Variants in PSTK observed in about 807,000 individuals in gnomAD.
The protein encoded by PSTK is L-seryl-tRNA(Sec) kinase.
In PSTK, 26 loss-of-function variants were observed where a neutral mutation model predicts 38.6. The observed-to-expected ratio is 0.67, with a 90% CI of 0.49 to 0.94. PSTK has a LOEUF of 0.94. Ranked by LOEUF, PSTK falls within the 40% of genes least tolerant of loss-of-function variation. The probability of loss-of-function intolerance (pLI) is 0.00; values close to 1 mark genes in which losing one functional copy is unlikely to be tolerated. For synonymous variants in PSTK, 181 were observed against 161.7 expected (o/e 1.12, Z -0.91); for missense variants, 445 against 436.3 (o/e 1.02, Z -0.18).
At chr10:122,986,104 C>A in intron 3 of PSTK, 196 bp from the exon 4 acceptor site, 1 of 322,472 alleles carries the variant, frequency 3.1e-6, no homozygotes, top group Non-Finnish European at 5.6e-6. Flanking sequence ...GCCTGTAGTC[C>A]CAGCTACTCG....
chr10:122,983,300 A>C lies in PSTK; in HGVS notation c.537A>C (p.Leu179Phe). 4.3e-6 allele frequency: 7 copies of C among 1,613,162 alleles called. No homozygotes were observed. The highest frequency in any genetic ancestry group is 5.9e-6 in the Non-Finnish European group (7 of 1,179,678). The stretch of plus-strand genomic sequence containing the variant: ...CGTTGGGCTTTTGCCAGCTCTTTTT[A>C]GATTGTCCTCTTGAGACCTGTTTAC... ...KYSLGFCQLF[L>F]DCPLETCLQR... Residue 179 changes from leucine to phenylalanine, a missense_variant, in exon 3 of 6, where the codon TTA (leucine) becomes TTC (phenylalanine). By Grantham distance (22) the Leu-to-Phe change is conservative. Transcript: ENST00000406217.
At position 122,982,916 on chromosome 10, in the gene PSTK, T is replaced by A. The variant is rs34489330; in HGVS notation, c.400T>A (p.Cys134Ser). The part of the protein sequence containing the change: ...IFSAAFEAQS[C>S]YLLTKTAVSR... ...TTCTGCAGCATTTGAGGCCCAGTCTTGCTACCTCTTAACAAAAACTGCTGT... is the reference window on the plus strand; with the variant it reads ...TTCTGCAGCATTTGAGGCCCAGTCTAGCTACCTCTTAACAAAAACTGCTGT... Residue 134 changes from cysteine (C) to serine (S), a missense_variant, in exon 2 of 6, where the codon TGC becomes AGC. Physicochemically the swap from Cys to Ser is moderately radical, Grantham distance 112 (BLOSUM62 -1). Transcript: ENST00000406217. 98 of 1,614,240 alleles carry A rather than the reference T, an allele frequency of 6.1e-5. No individual in the cohort carries two copies. In the African/African-American group the frequency reaches 1.0e-3, roughly 17 times the overall value.
At position 122,980,653 on chromosome 10, in the gene PSTK, C is replaced by T. The variant is rs1848943699; in HGVS notation, c.174C>T (p.Val58=). ...TCGGTGTTGTCGCGTATGATGACGT[C>T]ATGCCCGACGCGTTTCTCGCCGGGG... The part of the protein sequence containing the change: ...WAIGVVAYDD[V]MPDAFLAGAR... Residue 58 remains valine, a synonymous_variant, in exon 1 of 6, where the codon GTC becomes GTT. Coordinates refer to ENST00000406217, the MANE Select transcript of PSTK (RefSeq NM_001363531.2). This position sits in a 1 kb window ranked among gnomAD's most constrained non-coding sequence, Gnocchi z 4.3. 6.3e-7 allele frequency: 1 copy of T among 1,596,124 alleles called. No homozygotes were observed. Among genetic ancestry groups the T allele is most frequent in the South Asian group, 1.1e-5 (1 of 89,822 alleles).
At chr10:122,982,587 G>A (rs1848975342) in intron 1 of PSTK, 146 bp from the exon 2 acceptor site, 2 of 648,612 alleles carry the variant, frequency 3.1e-6, no homozygotes, top group South Asian at 1.9e-5. Context: ...TATATATGGA[G>A]TCATGTGAAA....
At position 122,983,338 on chromosome 10, in the gene PSTK, A is replaced by G; in HGVS notation, c.575A>G (p.Gln192Arg). The G allele has an allele frequency of 6.2e-7, 1 of 1,614,216 alleles. No individual in the cohort carries two copies. The highest frequency in any genetic ancestry group is 8.5e-7 in the Non-Finnish European group (1 of 1,179,998). Reference protein sequence around the residue: ...PLETCLQRNGQRPQALPPETI... With the variant: ...PLETCLQRNGRRPQALPPETI... ...GAGACCTGTTTACAGAGGAATGGCC[A>G]GAGGCCACAGGCACTGCCTCCTGAG... is the stretch of plus-strand genomic sequence containing the variant. Residue 192 changes from glutamine (Q) to arginine (R), a missense_variant, in exon 3 of 6, where the codon CAG becomes CGG. Gln to Arg is a conservative substitution (Grantham distance 43). Coordinates refer to ENST00000406217, the MANE Select transcript of PSTK (RefSeq NM_001363531.2).
At chr10:122,989,233 A>G (rs934516878) in intron 5 of PSTK, among the ~76,000 whole-genome samples, 1 of 151,774 alleles carries the variant, frequency 6.6e-6, no homozygotes, top group Non-Finnish European at 1.5e-5. Context: ...GGAGGATGAT[A>G]GCTAAAGGAT....
At position 122,990,353 on chromosome 10, in the gene PSTK, T is replaced by TAAA; in HGVS notation, c.1058_1059insAAA (p.Tyr353delinsTer). The stretch of plus-strand genomic sequence containing the variant: ...TGAGAAAGATAATATTGTACAGAAG[T>TAAA]ATTTTTCAAAGCAGCATTAAAATTT... On this transcript the variant is annotated stop_gained, in exon 6 of 6. Coordinates refer to ENST00000406217, the MANE Select transcript of PSTK (RefSeq NM_001363531.2). LOFTEE classifies it high-confidence loss of function. The TAAA allele has an allele frequency of 6.9e-7, 1 of 1,458,010 alleles. No homozygotes were observed. Among genetic ancestry groups the TAAA allele is most frequent in the Non-Finnish European group, 9.1e-7 (1 of 1,100,938 alleles). 90.3% of individuals were successfully genotyped at this position (1,458,010 alleles called of 1,614,324 possible). A position where few individuals can be genotyped will look rare whatever the true frequency, so the allele number is the denominator to read the frequency against.
chr10:122,983,668 C>T, intron 3 of PSTK, 198 bp downstream of exon 3: 1 of 576,996 alleles, frequency 1.7e-6, no homozygotes, highest in Non-Finnish European at 3.1e-6. Context: ...TTGCAAATGT[C>T]TGCTCATAAC....
intron 1 of PSTK, chr10:122,982,374 G>A (rs1474182929): frequency 1.3e-5 from 2 of 154,728 alleles, no homozygotes; most frequent in Admixed American, 1.4e-4. Context: ...GCTGGAGGCT[G>A]AGTATGCAAT....
intron 3 of PSTK, 32 bp from the exon 4 acceptor site, chr10:122,986,268 A>T: frequency 7.8e-7 from 1 of 1,289,030 alleles, no homozygotes. Flanking sequence ...GGATATAAGG[A>T]TCTATTGTAT....
intron 5 of PSTK, among the ~76,000 whole-genome samples, chr10:122,989,746 G>A (rs1341694070): frequency 6.6e-6 from 1 of 152,170 alleles, no homozygotes; most frequent in East Asian, 1.9e-4. Flanking sequence ...CTGCTGTATT[G>A]AATAAAGCAG....
chr10:122,983,239 A>G, intron 2 of PSTK, 33 bp from the exon 3 acceptor site: 1 of 1,532,184 alleles, frequency 6.5e-7, no homozygotes. Flanking sequence ...AAAAGAGTAT[A>G]CCAGTAATTC....
chr10:122,986,491 C>G, intron 4 of PSTK, 116 bp downstream of exon 4: 1 of 777,498 alleles, frequency 1.3e-6, no homozygotes, highest in Non-Finnish European at 2.2e-6. Context: ...ATTGGCTTGG[C>G]CTCTCACCAG....
At chr10:122,986,534 A>G in intron 4 of PSTK, 159 bp downstream of exon 4, 1 of 640,140 alleles carries the variant, frequency 1.6e-6, no homozygotes, top group East Asian at 2.8e-5. Flanking sequence ...CCGGCTGGGC[A>G]AAGCCGATTG....
chr10:122,983,512 C>A, intron 3 of PSTK, 42 bp downstream of exon 3: 2 of 1,563,240 alleles, frequency 1.3e-6, no homozygotes, highest in Non-Finnish European at 8.8e-7. Flanking sequence ...TCCCCTGTGC[C>A]AGGTATCATG....
intron 3 of PSTK, chr10:122,985,272 C>G (rs1244172744): frequency 6.6e-6 from 1 of 152,330 alleles, no homozygotes; most frequent in Non-Finnish European, 1.5e-5. Context: ...CATTCTTATA[C>G]TTGACTGCCT....
chr10:122,986,827 A>G, intron 4 of PSTK, 42 bp from the exon 5 acceptor site: 2 of 1,288,176 alleles, frequency 1.6e-6, no homozygotes, highest in Non-Finnish European at 2.2e-6. Context: ...TTTATTTTAT[A>G]AAACTATGTG....
Position 122,986,388 on chromosome 10 carries a change from T to C in PSTK, c.783+13T>C. The C allele has an allele frequency of 6.4e-7, 1 of 1,573,076 alleles. No homozygotes were observed. Among genetic ancestry groups the C allele is most frequent in the Non-Finnish European group, 8.8e-7 (1 of 1,142,824 alleles). On this transcript the variant is annotated intron_variant, in intron 4 of 5. Coordinates refer to ENST00000406217, the MANE Select transcript of PSTK (RefSeq NM_001363531.2). Reference sequence around the variant, plus strand: ...TATGGAACAAAAGGTAAACTTCCAGTGTAAATTTAATGTAAATGAGAAGGA... The same window carrying C: ...TATGGAACAAAAGGTAAACTTCCAGCGTAAATTTAATGTAAATGAGAAGGA...
chr10:122,986,432 A>G (rs772063410), intron 4 of PSTK, 57 bp downstream of exon 4: 3 of 1,214,390 alleles, frequency 2.5e-6, no homozygotes, highest in Non-Finnish European at 3.7e-6. Context: ...TTGTAGGAAG[A>G]TCTTTTGAGC....
Sources: allele counts gnomAD v4.1 joint callset (sites outside exome capture counted in the v4.1 genomes callset), GRCh38; gene constraint gnomAD v4.1.1; non-coding constraint Gnocchi (gnomAD v3.1); transcripts MANE v1.5; gene names NCBI Gene and HGNC (gene_info 2026-07-23, HGNC 2026-07-21).